Variants in MORN5 observed in about 807,000 individuals in gnomAD.
MORN5 encodes the protein MORN repeat containing 5, also known as MORN repeat-containing protein 5.
A neutral mutation model predicts 22.1 loss-of-function variants in MORN5; 21 were observed. The ratio of observed to expected loss-of-function variants is 0.95; its 90% confidence interval spans 0.67 to 1.37. The LOEUF (loss-of-function observed/expected upper bound fraction) is 1.37, where lower values mean the gene tolerates loss of function less well. Among genes scored for constraint, MORN5 ranks in the 40% most tolerant of loss-of-function variants. MORN5 has a pLI of 0.00. For synonymous variants in MORN5, 73 were observed against 74.0 expected (o/e 0.99, Z 0.07); for missense variants, 211 against 215.1 (o/e 0.98, Z 0.12).
intron 4 of MORN5, among the ~76,000 whole-genome samples, chr9:122,184,121 C>A (rs971389247): frequency 1.3e-5 from 2 of 152,166 alleles, no homozygotes; most frequent in African/African-American, 4.8e-5. Flanking sequence ...GACCCTCAAC[C>A]AAGGGGTAGG....
At chr9:122,190,079 C>A (rs187503264) in intron 4 of MORN5, among the ~76,000 whole-genome samples, 14 of 152,024 alleles carry the variant, frequency 9.2e-5, no homozygotes, top group Non-Finnish European at 1.9e-4. Context: ...CACCAGCTGT[C>A]CATACACAGA....
chr9:122,174,936 G>A (rs928767806), intron 4 of MORN5: 1 of 924,032 alleles, frequency 1.1e-6, no homozygotes, highest in Admixed American at 6.2e-5. Flanking sequence ...CTATATGCTA[G>A]ACACTGTGCT....
chr9:122,194,860 A>C (rs7863835), intron 4 of MORN5, among the ~76,000 whole-genome samples: 76,162 of 151,896 alleles, frequency 0.5, 22,103 homozygotes, highest in African/African-American at 0.79. Context: ...TCTCTACCAA[A>C]AATACAAAAA....
intron 4 of MORN5, among the ~76,000 whole-genome samples, chr9:122,191,490 C>T (rs1259335504): frequency 1.3e-5 from 2 of 152,180 alleles, no homozygotes; most frequent in South Asian, 2.1e-4. Flanking sequence ...GAGGAGAGGA[C>T]GAGTGTAGCC....
rs1467412731 is a variant in MORN5 at position 122,196,362 on chromosome 9, T to C, written c.440-3523T>C. On this transcript the variant is annotated intron_variant, in intron 4 of 4. Transcript: ENST00000373764. ...TTTTTTTTTTTTTTTTGAGACAGAGTCTTGCTCTGTCACCATGCTGGAGGG... is the reference window on the plus strand; with the variant it reads ...TTTTTTTTTTTTTTTTGAGACAGAGCCTTGCTCTGTCACCATGCTGGAGGG... 2.8e-5 allele frequency among the ~76,000 whole-genome samples: 4 copies of C among 143,806 alleles called. No homozygotes were observed. The East Asian group carries it at 8.2e-4, about 29-fold the overall frequency. 94.3% of individuals were successfully genotyped at this position (143,806 alleles called of 152,430 possible). A position where few individuals can be genotyped will look rare whatever the true frequency, so the allele number is the denominator to read the frequency against.
chr9:122,165,147 G>T (rs1275441742), intron 1 of MORN5, among the ~76,000 whole-genome samples: 1 of 152,178 alleles, frequency 6.6e-6, no homozygotes, highest in East Asian at 1.9e-4. Flanking sequence ...TTGTTAGGAG[G>T]AATGGAGAAG....
chr9:122,161,130 C>G (rs951536344), intron 1 of MORN5, among the ~76,000 whole-genome samples: 2 of 152,182 alleles, frequency 1.3e-5, no homozygotes, highest in Admixed American at 6.5e-5. Context: ...GAAACCAAGG[C>G]TGGACGATAT....
intron 4 of MORN5, among the ~76,000 whole-genome samples, chr9:122,185,205 A>G (rs912372584): frequency 4.7e-5 from 7 of 150,518 alleles, no homozygotes; most frequent in East Asian, 2.0e-4. Flanking sequence ...ACAGGCGCCC[A>G]CCACCATGTT....
At chr9:122,171,909 C>G (rs555059856) in intron 3 of MORN5, among the ~76,000 whole-genome samples, 1 of 150,240 alleles carries the variant, frequency 6.7e-6, no homozygotes, top group East Asian at 2.0e-4. Context: ...CCACTTGGCG[C>G]CCTTGAGGTC....
At chr9:122,170,924 T>C (rs1290389037) in intron 3 of MORN5, among the ~76,000 whole-genome samples, 2 of 152,140 alleles carry the variant, frequency 1.3e-5, no homozygotes, top group African/African-American at 2.4e-5. Context: ...CGTGTATACC[T>C]ATGTAACAAA....
chr9:122,161,593 C>T (rs1400664774), intron 1 of MORN5, among the ~76,000 whole-genome samples: 1 of 152,208 alleles, frequency 6.6e-6, no homozygotes, highest in Non-Finnish European at 1.5e-5. Flanking sequence ...ACCCAATCCT[C>T]TGTCCAAACC....
intron 4 of MORN5, among the ~76,000 whole-genome samples, chr9:122,188,614 A>C (rs1174270946): frequency 6.6e-6 from 1 of 152,226 alleles, no homozygotes; most frequent in Non-Finnish European, 1.5e-5. Context: ...AGGCCAACAG[A>C]GTGACCTTGG....
At chr9:122,199,259 CCT>C (rs1470287273) in intron 4 of MORN5, among the ~76,000 whole-genome samples, 1 of 152,178 alleles carries the variant, frequency 6.6e-6, no homozygotes, top group Non-Finnish European at 1.5e-5. Flanking sequence ...CCTCTGTGAG[CCT>C]CTGTTTGTTC....
At chr9:122,174,711 A>G in intron 4 of MORN5, 84 bp downstream of exon 4, 2 of 1,607,036 alleles carry the variant, frequency 1.2e-6, no homozygotes, top group Non-Finnish European at 1.7e-6. Context: ...GTATGCACAC[A>G]CTTGATGAGA....
chr9:122,161,686 G>A (rs544134844), intron 1 of MORN5, among the ~76,000 whole-genome samples: 1 of 152,306 alleles, frequency 6.6e-6, no homozygotes, highest in South Asian at 2.1e-4. Context: ...GGCATTTTAG[G>A]CACAAAAAGT....
At chr9:122,169,542 T>C in intron 2 of MORN5, 103 bp from the exon 3 acceptor site, 1 of 744,388 alleles carries the variant, frequency 1.3e-6, no homozygotes, top group East Asian at 2.4e-5. Flanking sequence ...ACCACTTCTT[T>C]ACTGCAGCCA....
chr9:122,192,934 A>G (rs1378628043), intron 4 of MORN5, among the ~76,000 whole-genome samples: 11 of 152,174 alleles, frequency 7.2e-5, no homozygotes, highest in Non-Finnish European at 1.5e-4. Context: ...TTCTTTATTC[A>G]TTATTCACCA....
intron 4 of MORN5, among the ~76,000 whole-genome samples, chr9:122,190,464 GT>G (rs1829738028): frequency 6.6e-6 from 1 of 152,348 alleles, no homozygotes; most frequent in South Asian, 2.1e-4. Context: ...TAATAAAATT[GT>G]TTTGATTTCT....
At chr9:122,163,905 A>C (rs1829238062) in intron 1 of MORN5, among the ~76,000 whole-genome samples, 1 of 152,202 alleles carries the variant, frequency 6.6e-6, no homozygotes. Flanking sequence ...TGTTTGAGAC[A>C]GGGTCTCACT....
Sources: gnomAD v4.1 joint callset for allele counts (sites outside exome capture counted in the v4.1 genomes callset) on GRCh38, gnomAD v4.1.1 for gene constraint, MANE v1.5 for transcripts, NCBI Gene and HGNC (gene_info 2026-07-23, HGNC 2026-07-21) for gene names.